Variants in EPHA6 observed in about 807,000 individuals in gnomAD.
EPHA6 encodes EPH receptor A6, also known as ephrin type-A receptor 6.
A neutral mutation model predicts 112.0 loss-of-function variants in EPHA6; 50 were observed. The ratio of observed to expected loss-of-function variants is 0.45; its 90% CI spans 0.36 to 0.56. The LOEUF is 0.56. EPHA6 is among the 20% of genes least tolerant of loss of function. EPHA6 has a pLI of 0.00. For missense variants in EPHA6, 1,280 were observed against 1,417.4 expected, an observed-to-expected ratio of 0.90 and a Z score of 1.56; for synonymous variants, 529 against 490.7, an observed-to-expected ratio of 1.08 and a Z score of -1.03.
At chr3:97,745,304 T>C in intron 16 of EPHA6, 1 of 428,816 alleles carries the variant, frequency 2.3e-6, no homozygotes, top group Non-Finnish European at 4.6e-6. Flanking sequence ...AAGTATTTGT[T>C]GGTAGATGCT....
At chr3:97,470,808 T>C (rs2091207827) in intron 7 of EPHA6, among the ~76,000 whole-genome samples, 1 of 151,668 alleles carries the variant, frequency 6.6e-6, no homozygotes, top group Non-Finnish European at 1.5e-5. Context: ...TCCCAAATCA[T>C]AGAATGAAAT....
At chr3:97,239,957 AT>A (rs1157643581) in intron 4 of EPHA6, among the ~76,000 whole-genome samples, 40 of 151,982 alleles carry the variant, frequency 2.6e-4, no homozygotes, top group African/African-American at 8.7e-4. Context: ...ACTGGCTGTC[AT>A]TCTACCACTA....
At chr3:97,060,327 T>C (rs2045979908) in intron 3 of EPHA6, among the ~76,000 whole-genome samples, 1 of 152,222 alleles carries the variant, frequency 6.6e-6, no homozygotes, top group Admixed American at 6.5e-5. Flanking sequence ...TGCCTTATTA[T>C]ACTCTGAGCT....
chr3:97,490,382 A>G (rs1430028810), intron 10 of EPHA6, among the ~76,000 whole-genome samples: 1 of 152,232 alleles, frequency 6.6e-6, no homozygotes, highest in Non-Finnish European at 1.5e-5. Flanking sequence ...ATAGTAAAAT[A>G]CAGAATTATA....
At chr3:96,978,076 C>A (rs1021529155) in intron 2 of EPHA6, among the ~76,000 whole-genome samples, 1 of 152,166 alleles carries the variant, frequency 6.6e-6, no homozygotes, top group Admixed American at 6.6e-5. Context: ...GGAAGGATTT[C>A]TTGAGCCTGG....
chr3:96,986,686 A>T (rs928801498), intron 2 of EPHA6, among the ~76,000 whole-genome samples: 1 of 152,176 alleles, frequency 6.6e-6, no homozygotes, highest in Middle Eastern at 3.4e-3. Flanking sequence ...CTTCCCTCCA[A>T]AGTAAGCTTT....
chr3:97,107,323 A>G (rs1001135519), intron 3 of EPHA6, among the ~76,000 whole-genome samples: 2 of 152,062 alleles, frequency 1.3e-5, no homozygotes, highest in African/African-American at 4.8e-5. Context: ...AACTAGCTTT[A>G]TACCTGGGGT....
intron 1 of EPHA6, among the ~76,000 whole-genome samples, chr3:96,833,078 T>A: frequency 6.6e-6 from 1 of 151,476 alleles, no homozygotes; most frequent in Non-Finnish European, 1.5e-5. Context: ...TCAAAATTCG[T>A]ATGTTGAAGC....
At chr3:96,921,715 G>A (rs1238054307) in intron 2 of EPHA6, among the ~76,000 whole-genome samples, 4 of 151,630 alleles carry the variant, frequency 2.6e-5, no homozygotes, top group South Asian at 2.1e-4. Flanking sequence ...CTACAGGCAC[G>A]TGCCACCATG....
chr3:96,892,039 A>G (rs1330721457), intron 2 of EPHA6, among the ~76,000 whole-genome samples: 1 of 152,230 alleles, frequency 6.6e-6, no homozygotes, highest in Non-Finnish European at 1.5e-5. Flanking sequence ...CATTGCAGAT[A>G]TATGATTTAT....
intron 5 of EPHA6, among the ~76,000 whole-genome samples, chr3:97,261,438 C>A (rs2079499766): frequency 6.6e-6 from 1 of 152,160 alleles, no homozygotes; most frequent in Admixed American, 6.5e-5. Context: ...TACACATGAA[C>A]TTATGGCAGA....
At chr3:96,827,172 C>T (rs879778678) in intron 1 of EPHA6, among the ~76,000 whole-genome samples, 19 of 152,142 alleles carry the variant, frequency 1.2e-4, no homozygotes, top group Middle Eastern at 3.4e-3. Flanking sequence ...GTGCACTGAT[C>T]CTAAAGCCTC....
intron 16 of EPHA6, chr3:97,745,291 T>G: frequency 2.4e-6 from 1 of 416,996 alleles, no homozygotes; most frequent in Non-Finnish European, 4.7e-6. Context: ...ACAGCAACAA[T>G]TCAAGTATTT....
At chr3:97,624,348 G>A (rs188025897) in intron 13 of EPHA6, among the ~76,000 whole-genome samples, 1 of 151,734 alleles carries the variant, frequency 6.6e-6, no homozygotes, top group East Asian at 1.9e-4. Context: ...TACATTGACT[G>A]ACTTTCATAT....
rs1343955186 is a variant in EPHA6 at position 96,820,404 on chromosome 3, CGGG to C, written c.385+5397_385+5399del. On this transcript the variant is annotated intron_variant, in intron 1 of 17. Transcript: ENST00000389672. ...GAATTGGGAGTCAGTTGCAGTTGTC[CGGG>C]CAAGATGTATGGTGGCCTGGCATAG... Among the ~76,000 whole-genome samples the C allele has an allele frequency of 7.3e-4, 110 of 151,484 alleles. 1 individual carries two copies. Among genetic ancestry groups the C allele is most frequent in the African/African-American group, 2.5e-3 (105 of 41,320 alleles).
At chr3:97,213,997 C>CTGTGTGTGTGTGTGTGTGTGTGTG (rs10557927) in intron 3 of EPHA6, among the ~76,000 whole-genome samples, 11 of 128,940 alleles carry the variant, frequency 8.5e-5, no homozygotes, top group African/African-American at 3.5e-4. Flanking sequence ...CTCATGTGTT[C>CTGTGTGTGTGTGTGTGTGTGTGTG]TGTGTGTGTG....
chr3:96,847,334 A>C (rs2035129609), intron 1 of EPHA6, among the ~76,000 whole-genome samples: 1 of 152,088 alleles, frequency 6.6e-6, no homozygotes, highest in South Asian at 2.1e-4. Context: ...TCCTGAAGGA[A>C]GATATAATTG....
chr3:97,056,701 T>G (rs1304739575), intron 3 of EPHA6, among the ~76,000 whole-genome samples: 1 of 152,184 alleles, frequency 6.6e-6, no homozygotes, highest in Non-Finnish European at 1.5e-5. Context: ...TAGAAGTGTT[T>G]TAACATAGTG....
intron 5 of EPHA6, among the ~76,000 whole-genome samples, chr3:97,299,621 T>C (rs373947545): frequency 1.3e-5 from 2 of 152,118 alleles, no homozygotes; most frequent in African/African-American, 4.8e-5. Context: ...AGCATTAGAG[T>C]CATTATAAAG....
Sources: gnomAD v4.1 joint callset for allele counts (sites outside exome capture counted in the v4.1 genomes callset) on GRCh38, gnomAD v4.1.1 for gene constraint, MANE v1.5 for transcripts, NCBI Gene and HGNC (gene_info 2026-07-23, HGNC 2026-07-21) for gene names.